Variants in ADORA1 observed in about 807,000 individuals in gnomAD.
ADORA1 encodes adenosine A1 receptor.
ADORA1 carries 6 observed loss-of-function variants against 19.9 expected under a neutral mutation model. The observed-to-expected ratio is 0.30, with a 90% CI of 0.17 to 0.59. The LOEUF (loss-of-function observed/expected upper bound fraction) is 0.59. Among genes scored for constraint, ADORA1 ranks in the 20% least tolerant of loss-of-function variants. ADORA1 has a pLI of 0.87. For synonymous variants in ADORA1, 194 were observed against 188.4 expected (o/e 1.03, Z -0.24); for missense variants, 302 against 439.2 (o/e 0.69, Z 2.79).
Position 203,129,193 on chromosome 1 carries a change from A to G in ADORA1, c.341+11A>G. ...CAAGATCCCTCTCCGGTGAGTCCACAGCGCCGAAGGTACTCGCAGCACCAC... is the reference window on the plus strand; with the variant it reads ...CAAGATCCCTCTCCGGTGAGTCCACGGCGCCGAAGGTACTCGCAGCACCAC... On this transcript the variant is annotated intron_variant, in intron 3 of 3. Transcript: ENST00000337894. 1 of 1,600,624 alleles carries G rather than the reference A, an allele frequency of 6.2e-7. No homozygotes were observed. The highest frequency in any genetic ancestry group is 8.5e-7 in the Non-Finnish European group (1 of 1,172,256).
chr1:203,148,749 C>T (rs1654938686), intron 3 of ADORA1, among the ~76,000 whole-genome samples: 1 of 152,194 alleles, frequency 6.6e-6, no homozygotes, highest in Non-Finnish European at 1.5e-5. Context: ...TGAAGGAAGC[C>T]ACTCTATGCC....
At chr1:203,156,980 A>G (rs751971177) in intron 3 of ADORA1, among the ~76,000 whole-genome samples, 13 of 152,240 alleles carry the variant, frequency 8.5e-5, no homozygotes, top group Non-Finnish European at 1.5e-4. Context: ...CACTGTTGCA[A>G]TGGGGATTGT....
At chr1:203,138,015 G>A (rs1393144758) in intron 3 of ADORA1, among the ~76,000 whole-genome samples, 2 of 152,154 alleles carry the variant, frequency 1.3e-5, no homozygotes, top group African/African-American at 2.4e-5. Context: ...TTGTATGAAT[G>A]TACCATGATT....
chr1:203,143,355 C>A (rs10158980), intron 3 of ADORA1, among the ~76,000 whole-genome samples: 1 of 152,014 alleles, frequency 6.6e-6, no homozygotes, highest in Non-Finnish European at 1.5e-5. Flanking sequence ...CCTTATCTAA[C>A]CCTAATTACC....
chr1:203,127,905 C>G lies in ADORA1; in HGVS notation c.-236C>G, dbSNP rs1558124264. ...GACAGAACAGTCAGGCAGCCGGGAG[C>G]TCTGCCAGCTTTGGTGACCTTGGGT... On this transcript the variant is annotated 5_prime_UTR_variant, in exon 1 of 4. Coordinates refer to ENST00000337894, the MANE Select transcript of ADORA1 (RefSeq NM_000674.3). 6.4e-6 allele frequency: 1 copy of G among 156,114 alleles called. No homozygotes were observed. Among genetic ancestry groups the G allele is most frequent in the African/African-American group, 2.4e-5 (1 of 41,514 alleles). The allele number at this position is 156,114 out of a possible 1,614,324, so 9.7% of individuals were successfully genotyped here.
intron 3 of ADORA1, among the ~76,000 whole-genome samples, chr1:203,138,784 A>G (rs1295600371): frequency 6.6e-6 from 1 of 152,088 alleles, no homozygotes; most frequent in African/African-American, 2.4e-5. Context: ...TGTCAGGGGA[A>G]GTGGAAACGA....
chr1:203,135,001 G>C (rs375778657), intron 3 of ADORA1, among the ~76,000 whole-genome samples: 4 of 152,252 alleles, frequency 2.6e-5, no homozygotes, highest in South Asian at 4.1e-4. Flanking sequence ...CTCTCCTTAG[G>C]GGGGCCTTCC....
rs1655498429 is a variant in ADORA1 at position 203,165,158 on chromosome 1, A to G, written c.342-103A>G. 6.3e-7 allele frequency: 1 copy of G among 1,585,284 alleles called. No individual in the cohort carries two copies. Among genetic ancestry groups the G allele is most frequent in the Non-Finnish European group, 8.6e-7 (1 of 1,166,428 alleles). ...CCCACTCACCGGGCCCTGGAAGAGG[A>G]GGGTGCTCCTCTTAGAGGCCCCTGG... On this transcript the variant is annotated intron_variant, in intron 3 of 3. Coordinates refer to ENST00000337894, the MANE Select transcript of ADORA1 (RefSeq NM_000674.3). The surrounding 1 kb of genome is among the most constrained non-coding windows in gnomAD (Gnocchi z 5.9).
At chr1:203,153,432 G>A (rs1469068189) in intron 3 of ADORA1, among the ~76,000 whole-genome samples, 1 of 152,314 alleles carries the variant, frequency 6.6e-6, no homozygotes, top group East Asian at 1.9e-4. Context: ...CCACCAGGCT[G>A]TGGAGTTATT....
At chr1:203,129,255 AAGGT>A (rs1654256846) in intron 3 of ADORA1, 73 bp downstream of exon 3, 4 of 1,536,520 alleles carry the variant, frequency 2.6e-6, no homozygotes, top group African/African-American at 2.7e-5. Context: ...GAAAGGAAAA[AAGGT>A]AGAGCATAAG....
chr1:203,143,574 G>T (rs915780812), intron 3 of ADORA1, among the ~76,000 whole-genome samples: 3 of 152,028 alleles, frequency 2.0e-5, no homozygotes, highest in African/African-American at 7.3e-5. Context: ...TGTGCAGGGG[G>T]TTATAGCTTT....
At position 203,150,815 on chromosome 1, in the gene ADORA1, A is replaced by G. The variant is rs1232652833; in HGVS notation, c.342-14446A>G. 8.6e-6 allele frequency: 10 copies of G among 1,158,186 alleles called. No individual in the cohort carries two copies. The Admixed American group carries it at 1.9e-4, about 22-fold the overall frequency. 71.7% of individuals were successfully genotyped at this position (1,158,186 alleles called of 1,614,324 possible). A position where few individuals can be genotyped will look rare whatever the true frequency, so the allele number is the denominator to read the frequency against. ...TTCCTGTCTTCTCTGTCCTCCCCCT[A>G]TCTGCTGTCTGTTGAATCTTTTCCA... is the stretch of plus-strand genomic sequence containing the variant. On this transcript the variant is annotated intron_variant, in intron 3 of 3. Coordinates refer to ENST00000337894, the MANE Select transcript of ADORA1 (RefSeq NM_000674.3).
Position 203,148,513 on chromosome 1 carries a change from C to T in ADORA1, c.342-16748C>T, listed in dbSNP as rs182837765. ...GTCTGAGTCTGATCCCAATCCAGGT[C>T]CTCTAATGCTGTCACAGTGTTTTGC... On this transcript the variant is annotated intron_variant, in intron 3 of 3. Coordinates refer to ENST00000337894, the MANE Select transcript of ADORA1 (RefSeq NM_000674.3). 5.6e-4 allele frequency among the ~76,000 whole-genome samples: 85 copies of T among 152,330 alleles called. 3 individuals carry two copies. The highest frequency in any genetic ancestry group is 1.9e-3 in the African/African-American group (81 of 41,574).
chr1:203,135,694 CA>C (rs1396857643), intron 3 of ADORA1, among the ~76,000 whole-genome samples: 4 of 150,486 alleles, frequency 2.7e-5, no homozygotes, highest in African/African-American at 7.3e-5. Flanking sequence ...TAAAATCAAA[CA>C]AAAAAACACT....
chr1:203,128,898 C>A lies in ADORA1; in HGVS notation c.57C>A (p.Ile19=). Residue 19 remains isoleucine, a synonymous_variant, in exon 3 of 4, where the codon ATC becomes ATA. Coordinates refer to ENST00000337894, the MANE Select transcript of ADORA1 (RefSeq NM_000674.3). This position sits in a 1 kb window ranked among gnomAD's most constrained non-coding sequence, Gnocchi z 5.9. ...CCTACATCGGCATCGAGGTGCTCAT[C>A]GCCCTGGTCTCTGTGCCCGGGAACG... ...QAAYIGIEVL[I]ALVSVPGNVL... 1.2e-6 allele frequency: 2 copies of A among 1,613,064 alleles called. No individual in the cohort carries two copies. The highest frequency in any genetic ancestry group is 1.7e-6 in the Non-Finnish European group (2 of 1,179,942).
intron 3 of ADORA1, among the ~76,000 whole-genome samples, chr1:203,137,827 G>A (rs1286479316): frequency 1.3e-5 from 2 of 152,054 alleles, no homozygotes; most frequent in East Asian, 3.9e-4. Context: ...CCCTCCAAAA[G>A]GCAACCTCTA....
Position 203,165,580 on chromosome 1 carries a change from G to A in ADORA1, c.661G>A (p.Asp221Asn), listed in dbSNP as rs778641521. Residue 221 changes from aspartate (D) to asparagine (N), a missense_variant, in exon 4 of 4, where the codon GAC (aspartate) becomes AAC (asparagine). Asp to Asn is a conservative substitution (Grantham distance 23, BLOSUM62 1). Coordinates refer to ENST00000337894, the MANE Select transcript of ADORA1 (RefSeq NM_000674.3). The surrounding 1 kb of genome is among the most constrained non-coding windows in gnomAD (Gnocchi z 5.9). ...CAAGAAGGTGTCGGCCTCCTCCGGC[G>A]ACCCGCAGAAGTACTATGGGAAGGA... ...LNKKVSASSG[D>N]PQKYYGKELK... 7.4e-6 allele frequency: 12 copies of A among 1,613,832 alleles called. No individual in the cohort carries two copies. The highest frequency in any genetic ancestry group is 6.7e-5 in the East Asian group (3 of 44,866).
At chr1:203,153,284 C>T (rs1655095000) in intron 3 of ADORA1, among the ~76,000 whole-genome samples, 1 of 152,182 alleles carries the variant, frequency 6.6e-6, no homozygotes, top group African/African-American at 2.4e-5. Flanking sequence ...CTGAGAGTTC[C>T]TTCATGGTGG....
chr1:203,145,924 C>T (rs960279151), intron 3 of ADORA1, among the ~76,000 whole-genome samples: 3 of 152,192 alleles, frequency 2.0e-5, no homozygotes, highest in Non-Finnish European at 4.4e-5. Context: ...GGGGAAGCGG[C>T]TGTGGCAGGG....
Sources: allele counts gnomAD v4.1 joint callset (sites outside exome capture counted in the v4.1 genomes callset), GRCh38; gene constraint gnomAD v4.1.1; non-coding constraint Gnocchi (gnomAD v3.1); transcripts MANE v1.5; gene names NCBI Gene and HGNC (gene_info 2026-07-23, HGNC 2026-07-21).